Variants in ACOXL observed in about 807,000 individuals in gnomAD.
ACOXL encodes the protein acyl-CoA oxidase like, also known as acyl-coenzyme A oxidase-like protein.
Under a neutral mutation model 71.9 loss-of-function variants are expected in ACOXL, and 70 were observed. That is an observed-to-expected ratio of 0.97 (90% CI 0.80 to 1.19). The LOEUF is 1.19. ACOXL is among the 50% of genes most tolerant of loss of function. The pLI, the probability that ACOXL is intolerant of heterozygous loss-of-function variation, is 0.00. For missense variants in ACOXL, 703 were observed against 736.3 expected (o/e 0.95, Z 0.52); for synonymous variants, 253 against 281.6 (o/e 0.90, Z 1.02).
chr2:111,045,737 C>G (rs2065988198), intron 15 of ACOXL, among the ~76,000 whole-genome samples: 1 of 152,050 alleles, frequency 6.6e-6, no homozygotes, highest in Non-Finnish European at 1.5e-5. Context: ...ACACTGACAT[C>G]TGGGGTGAGG....
intron 10 of ACOXL, among the ~76,000 whole-genome samples, chr2:110,878,649 C>T (rs1024466095): frequency 2.6e-5 from 4 of 152,032 alleles, no homozygotes; most frequent in African/African-American, 9.7e-5. Context: ...CCTGTAATTC[C>T]AGCTACTCAA....
rs753221679 is a variant in ACOXL at position 111,107,455 on chromosome 2, T to TTTG, written c.1543-10145_1543-10143dup. Among the ~76,000 whole-genome samples, 52 of 152,288 alleles carry TTTG rather than the reference T, an allele frequency of 3.4e-4. No individual in the cohort carries two copies. In the East Asian group the frequency reaches 3.9e-3, roughly 11 times the overall value. On this transcript the variant is annotated intron_variant, in intron 17 of 17. Coordinates refer to ENST00000439055, the MANE Select transcript of ACOXL (RefSeq NM_001142807.4). Reference sequence around the variant, plus strand: ...AGAAGTGACTTTAACTATAGTTTTTTTTGTTGTTGTTGTTGTTGGTTTTTT... The same window carrying TTTG: ...AGAAGTGACTTTAACTATAGTTTTTTTTGTTGTTGTTGTTGTTGTTGGTTTTTT...
rs541477576 is a variant in ACOXL, at chr2:110,991,859, G to A, written c.1170-4034G>A. 3.9e-5 allele frequency among the ~76,000 whole-genome samples: 6 copies of A among 152,202 alleles called. No individual in the cohort carries two copies. In the East Asian group the frequency reaches 1.2e-3, roughly 29 times the overall value. ...CTAGTGGGTCTTCCTAATATTTCTAGCTGTTGAGTAGGACGTTTACAGTAT... is the reference window on the plus strand; with the variant it reads ...CTAGTGGGTCTTCCTAATATTTCTAACTGTTGAGTAGGACGTTTACAGTAT... On this transcript the variant is annotated intron_variant, in intron 13 of 17. Coordinates refer to ENST00000439055, the MANE Select transcript of ACOXL (RefSeq NM_001142807.4).
In ACOXL at chr2:110,882,306, A is replaced by G. The variant is rs528447339; in HGVS notation, c.789-26483A>G. Reference sequence around the variant, plus strand: ...CTGTTCAAATCTTTCACCATTTAAAAAAAATTGGCTTTGTTTCATATTGGT... The same window carrying G: ...CTGTTCAAATCTTTCACCATTTAAAGAAAATTGGCTTTGTTTCATATTGGT... On this transcript the variant is annotated intron_variant, in intron 10 of 17. Coordinates refer to ENST00000439055, the MANE Select transcript of ACOXL (RefSeq NM_001142807.4). Among the ~76,000 whole-genome samples the G allele has an allele frequency of 2.0e-5, 3 of 152,300 alleles. No individual in the cohort carries two copies. In the South Asian group the frequency reaches 6.2e-4, roughly 32 times the overall value.
At chr2:111,041,614 C>A (rs142462154) in intron 15 of ACOXL, among the ~76,000 whole-genome samples, 1 of 152,326 alleles carries the variant, frequency 6.6e-6, no homozygotes, top group Non-Finnish European at 1.5e-5. Flanking sequence ...GGCTCTACAC[C>A]TTGCTCTTGG....
intron 14 of ACOXL, among the ~76,000 whole-genome samples, chr2:111,029,019 A>G (rs894881945): frequency 1.3e-5 from 2 of 152,210 alleles, no homozygotes; most frequent in African/African-American, 4.8e-5. Context: ...GTTACTGAAC[A>G]TTTCTGTGTT....
chr2:111,002,991 TA>T (rs1412315098), intron 14 of ACOXL, among the ~76,000 whole-genome samples: 4 of 152,232 alleles, frequency 2.6e-5, no homozygotes. Context: ...GTTCAATCCG[TA>T]TTAGAAAAAT....
chr2:110,990,048 T>A (rs1574406328), intron 13 of ACOXL, among the ~76,000 whole-genome samples: 3 of 152,156 alleles, frequency 2.0e-5, no homozygotes, highest in African/African-American at 7.2e-5. Flanking sequence ...CTCAAAAAAA[T>A]AAATAAATAA....
intron 12 of ACOXL, among the ~76,000 whole-genome samples, chr2:110,935,759 T>C (rs2060638480): frequency 6.6e-6 from 1 of 151,102 alleles, no homozygotes; most frequent in East Asian, 2.0e-4. Flanking sequence ...TAATTCTCTG[T>C]GGACACTAAC....
chr2:110,800,037 C>T (rs752251765), intron 7 of ACOXL, among the ~76,000 whole-genome samples: 10 of 152,196 alleles, frequency 6.6e-5, no homozygotes, highest in Non-Finnish European at 1.3e-4. Flanking sequence ...AGAAACGGAA[C>T]ATGGGAGGGG....
At chr2:110,954,848 C>T (rs570905766) in intron 12 of ACOXL, among the ~76,000 whole-genome samples, 2 of 152,206 alleles carry the variant, frequency 1.3e-5, no homozygotes, top group African/African-American at 4.8e-5. Flanking sequence ...CTGAATCTGT[C>T]TGTTCCATCC....
At chr2:110,801,758 G>A in intron 8 of ACOXL, 34 bp downstream of exon 8, 1 of 1,588,480 alleles carries the variant, frequency 6.3e-7, no homozygotes, top group South Asian at 1.1e-5. Flanking sequence ...GGTCAATGGT[G>A]CAGATGATCT....
intron 17 of ACOXL, among the ~76,000 whole-genome samples, chr2:111,104,110 C>T (rs927615632): frequency 6.6e-6 from 1 of 152,018 alleles, no homozygotes; most frequent in Non-Finnish European, 1.5e-5. Context: ...CTTTTTTCAC[C>T]GAGCATAATT....
chr2:110,786,810 G>A (rs1684016054), intron 3 of ACOXL, among the ~76,000 whole-genome samples: 1 of 152,196 alleles, frequency 6.6e-6, no homozygotes. Context: ...TGCAATATGT[G>A]TGTCTTATTT....
intron 17 of ACOXL, among the ~76,000 whole-genome samples, chr2:111,109,968 G>A (rs977720092): frequency 3.3e-5 from 5 of 152,026 alleles, no homozygotes; most frequent in African/African-American, 7.2e-5. Context: ...ATGAGCCACC[G>A]TGCCTGGCCT....
At chr2:110,841,563 G>A (rs1426064759) in intron 10 of ACOXL, among the ~76,000 whole-genome samples, 158 bp downstream of exon 10, 2 of 152,160 alleles carry the variant, frequency 1.3e-5, no homozygotes, top group Non-Finnish European at 2.9e-5. Flanking sequence ...ATTGGCAAGA[G>A]CACATTGCTA....
chr2:110,851,347 C>T (rs992584913), intron 10 of ACOXL, among the ~76,000 whole-genome samples: 7 of 152,044 alleles, frequency 4.6e-5, no homozygotes, highest in Admixed American at 2.6e-4. Context: ...TGTCTGAGGC[C>T]GTGTTGACAC....
At chr2:111,097,147 T>G (rs2068849305) in intron 17 of ACOXL, among the ~76,000 whole-genome samples, 1 of 152,244 alleles carries the variant, frequency 6.6e-6, no homozygotes, top group South Asian at 2.1e-4. Flanking sequence ...AATTTTGGCT[T>G]TATTGTTTTG....
chr2:110,828,564 C>T (rs1395226583), intron 9 of ACOXL, among the ~76,000 whole-genome samples: 2 of 152,228 alleles, frequency 1.3e-5, no homozygotes, highest in African/African-American at 4.8e-5. Flanking sequence ...TCAACAATGA[C>T]TAAGAGACAG....
Sources: gnomAD v4.1 joint callset for allele counts (sites outside exome capture counted in the v4.1 genomes callset) on GRCh38, gnomAD v4.1.1 for gene constraint, MANE v1.5 for transcripts, NCBI Gene and HGNC (gene_info 2026-07-23, HGNC 2026-07-21) for gene names.